Variants in SERPINI1 observed in about 807,000 individuals in gnomAD.
SERPINI1 encodes the protein serpin family I member 1, also known as neuroserpin.
In SERPINI1, 19 loss-of-function variants were observed where a neutral mutation model predicts 41.1. The ratio of observed to expected loss-of-function variants is 0.46; its 90% CI spans 0.32 to 0.68. The LOEUF (loss-of-function observed/expected upper bound fraction) is 0.68, where lower values mean the gene tolerates loss of function less well. SERPINI1 is among the 30% of genes least tolerant of loss of function. The pLI is 0.03. For missense variants in SERPINI1, 460 were observed against 479.2 expected (o/e 0.96, Z 0.37); for synonymous variants, 138 against 156.6 (o/e 0.88, Z 0.89).
At chr3:167,798,038 G>A (rs914178365) in intron 5 of SERPINI1, among the ~76,000 whole-genome samples, 5 of 151,978 alleles carry the variant, frequency 3.3e-5, no homozygotes, top group Non-Finnish European at 7.4e-5. Context: ...GCTTCCAAAT[G>A]CTCCAATTCT....
intron 2 of SERPINI1, 105 bp from the exon 3 acceptor site, chr3:167,790,267 G>T: frequency 1.3e-6 from 1 of 792,790 alleles, no homozygotes; most frequent in South Asian, 1.5e-5. Context: ...TCCCCCAGGT[G>T]CCTGTTTGGT....
chr3:167,790,332 G>GT (rs1727459707), intron 2 of SERPINI1, 40 bp from the exon 3 acceptor site: 1 of 1,438,530 alleles, frequency 7.0e-7, no homozygotes. Flanking sequence ...ATTTCACCGT[G>GT]TTTGTTCTAC....
chr3:167,789,460 G>C, intron 2 of SERPINI1, 82 bp downstream of exon 2: 1 of 1,516,270 alleles, frequency 6.6e-7, no homozygotes, highest in Non-Finnish European at 9.1e-7. Flanking sequence ...TCTAGACACA[G>C]CAATATTTAC....
At chr3:167,820,594 G>A (rs1310315562) in intron 6 of SERPINI1, among the ~76,000 whole-genome samples, 2 of 152,216 alleles carry the variant, frequency 1.3e-5, no homozygotes, top group Non-Finnish European at 2.9e-5. Flanking sequence ...CTGCCGACTG[G>A]GCCCCCTCCA....
At chr3:167,817,402 G>A (rs34891025) in intron 6 of SERPINI1, among the ~76,000 whole-genome samples, 46,086 of 151,638 alleles carry the variant, frequency 0.3, 8,870 homozygotes, top group African/African-American at 0.55. Context: ...TGTCTAGAAC[G>A]GTTTTACAAC....
intron 1 of SERPINI1, among the ~76,000 whole-genome samples, chr3:167,759,168 G>C (rs1559997734): frequency 6.6e-6 from 1 of 151,856 alleles, no homozygotes; most frequent in Non-Finnish European, 1.5e-5. Context: ...GACAGAGAAG[G>C]CATATTGTTC....
intron 1 of SERPINI1, among the ~76,000 whole-genome samples, chr3:167,745,568 G>T (rs1725838434): frequency 6.6e-6 from 1 of 151,926 alleles, no homozygotes; most frequent in Non-Finnish European, 1.5e-5. Context: ...GTTCTAGCCA[G>T]GGAAATTAGG....
At chr3:167,749,493 A>C (rs750128918) in intron 1 of SERPINI1, among the ~76,000 whole-genome samples, 3 of 152,226 alleles carry the variant, frequency 2.0e-5, no homozygotes, top group Non-Finnish European at 4.4e-5. Context: ...AAGGCTGATG[A>C]CTTAAAACCA....
intron 1 of SERPINI1, among the ~76,000 whole-genome samples, chr3:167,788,610 A>C (rs768617716): frequency 9.2e-5 from 14 of 152,214 alleles, no homozygotes; most frequent in Admixed American, 5.9e-4. Flanking sequence ...ACCTGGAATG[A>C]ATAAACTGGG....
At position 167,789,301 on chromosome 3, in the gene SERPINI1, G is replaced by A. The variant is rs548008493; in HGVS notation, c.173G>A (p.Gly58Glu). The stretch of plus-strand genomic sequence containing the variant: ...CCATTGAGTATTGCTCTTGCAATGG[G>A]AATGATGGAACTTGGGGCCCAAGGA... ...FSPLSIALAM[G>E]MMELGAQGST... Residue 58 changes from glycine (G) to glutamate (E), a missense_variant, in exon 2 of 9, where the codon GGA becomes GAA. By Grantham distance (98) the Gly-to-Glu change is moderately conservative. Coordinates refer to ENST00000446050, the MANE Select transcript of SERPINI1 (RefSeq NM_001122752.2). 16 of 1,614,024 alleles carry A rather than the reference G, an allele frequency of 9.9e-6. No homozygotes were observed. Among genetic ancestry groups the A allele is most frequent in the Admixed American group, 3.3e-5 (2 of 59,998 alleles).
intron 6 of SERPINI1, among the ~76,000 whole-genome samples, chr3:167,820,673 C>T (rs758416386): frequency 6.6e-6 from 1 of 152,182 alleles, no homozygotes; most frequent in African/African-American, 2.4e-5. Flanking sequence ...TGCAGGCCTG[C>T]AGGCGCCGCT....
At chr3:167,805,187 C>A (rs1442392475) in intron 5 of SERPINI1, among the ~76,000 whole-genome samples, 3 of 152,142 alleles carry the variant, frequency 2.0e-5, no homozygotes. Context: ...ATTCCTATTT[C>A]TCCACAGCCT....
Position 167,822,594 on chromosome 3 carries a change from A to T in SERPINI1, c.980-392A>T, listed in dbSNP as rs1712374143. Among the ~76,000 whole-genome samples, 2 of 152,110 alleles carry T rather than the reference A, an allele frequency of 1.3e-5. 1 individual carries two copies. The highest frequency in any genetic ancestry group is 4.1e-4 in the South Asian group (2 of 4,834). Reference sequence around the variant, plus strand: ...AGGTTAAAAAAGGAAAAAATTTTTTATTCTGGCTGTTTCTGAATTTTTACT... The same window carrying T: ...AGGTTAAAAAAGGAAAAAATTTTTTTTTCTGGCTGTTTCTGAATTTTTACT... On this transcript the variant is annotated intron_variant, in intron 6 of 8. Coordinates refer to ENST00000446050, the MANE Select transcript of SERPINI1 (RefSeq NM_001122752.2).
intron 6 of SERPINI1, among the ~76,000 whole-genome samples, chr3:167,822,619 T>A (rs529199540): frequency 1.3e-3 from 192 of 152,244 alleles, no homozygotes; most frequent in African/African-American, 4.4e-3. Context: ...GAATTTTTAC[T>A]TGTTTTCATT....
chr3:167,753,204 G>C (rs192047467), intron 1 of SERPINI1, among the ~76,000 whole-genome samples: 1 of 151,930 alleles, frequency 6.6e-6, no homozygotes, highest in Non-Finnish European at 1.5e-5. Flanking sequence ...TTGGAAATGT[G>C]GTATGGTTTC....
chr3:167,794,584 G>T, intron 4 of SERPINI1, 36 bp from the exon 5 acceptor site: 3 of 1,582,820 alleles, frequency 1.9e-6, no homozygotes, highest in Non-Finnish European at 2.6e-6. Context: ...TTTAAGCTTT[G>T]ATAGGCATCT....
intron 6 of SERPINI1, among the ~76,000 whole-genome samples, chr3:167,817,310 T>TTA (rs1283861602): frequency 6.6e-6 from 1 of 152,204 alleles, no homozygotes; most frequent in African/African-American, 2.4e-5. Context: ...ATTTTCTTTC[T>TTA]TATATTGTTG....
At chr3:167,811,815 C>G (rs1711899745) in intron 6 of SERPINI1, among the ~76,000 whole-genome samples, 1 of 152,102 alleles carries the variant, frequency 6.6e-6, no homozygotes, top group Non-Finnish European at 1.5e-5. Context: ...CAAAACCACC[C>G]TGGGTAACAT....
At chr3:167,812,871 C>G (rs1255992610) in intron 6 of SERPINI1, among the ~76,000 whole-genome samples, 2 of 152,076 alleles carry the variant, frequency 1.3e-5, no homozygotes, top group Non-Finnish European at 2.9e-5. Context: ...ATTTAAAATG[C>G]TCATCTACTT....
Sources: allele counts gnomAD v4.1 joint callset (sites outside exome capture counted in the v4.1 genomes callset), GRCh38; gene constraint gnomAD v4.1.1; transcripts MANE v1.5; gene names NCBI Gene and HGNC (gene_info 2026-07-23, HGNC 2026-07-21).